Variants in WNT7B observed in about 807,000 individuals in gnomAD.
WNT7B encodes protein Wnt-7b.
A neutral mutation model predicts 38.2 loss-of-function variants in WNT7B; 19 were observed. That is an observed-to-expected ratio of 0.50 (90% CI 0.35 to 0.73). WNT7B has a LOEUF of 0.73. Ranked by LOEUF, WNT7B falls within the 30% of genes least tolerant of loss-of-function variation. WNT7B has a pLI of 0.01. For synonymous variants in WNT7B, 243 were observed against 209.3 expected (o/e 1.16, Z -1.39); for missense variants, 423 against 507.9 (o/e 0.83, Z 1.61).
rs543640693 is a variant in WNT7B, at chr22:45,922,752, C to T, written c.*104G>A. On this transcript the variant is annotated 3_prime_UTR_variant, in exon 4 of 4. Transcript: ENST00000339464. ...ACCTGGAGCTCCCCGCTTCTGCACC[C>T]GTCTATGTCTGCTGCTGGCAGCACC... 266 of 1,505,204 alleles carry T rather than the reference C, an allele frequency of 1.8e-4. 1 individual carries two copies. Among genetic ancestry groups the T allele is most frequent in the Middle Eastern group, 1.5e-3 (6 of 3,980 alleles). The allele number at this position is 1,505,204 out of a possible 1,614,324, so 93.2% of individuals were successfully genotyped here.
chr22:45,962,948 C>G (rs1932229872), intron 1 of WNT7B, among the ~76,000 whole-genome samples: 1 of 152,258 alleles, frequency 6.6e-6, no homozygotes, highest in South Asian at 2.1e-4. Context: ...CACTCTGCGG[C>G]TGGGCCAGCG....
chr22:45,939,069 C>T (rs1012975157), intron 2 of WNT7B, among the ~76,000 whole-genome samples: 3 of 152,166 alleles, frequency 2.0e-5, no homozygotes, highest in East Asian at 1.9e-4. Flanking sequence ...CCACTTCACA[C>T]GCACTAGGAA....
intron 3 of WNT7B, 29 bp downstream of exon 3, chr22:45,931,068 CG>C (rs1467403602): frequency 1.3e-6 from 2 of 1,536,830 alleles, no homozygotes; most frequent in Non-Finnish European, 1.7e-6. Context: ...GTCCCAGCTA[CG>C]GCCCCCACCA....
At chr22:45,926,992 C>G (rs1037871855) in intron 3 of WNT7B, 1 of 985,334 alleles carries the variant, frequency 1.0e-6, no homozygotes, top group African/African-American at 1.7e-5. Flanking sequence ...CCCCCTGGCT[C>G]CAGGAGCTGG....
At chr22:45,958,211 G>T (rs1569122463) in intron 1 of WNT7B, among the ~76,000 whole-genome samples, 1 of 152,158 alleles carries the variant, frequency 6.6e-6, no homozygotes. Flanking sequence ...GGCCCCTCTG[G>T]CTAAGACCCT....
intron 3 of WNT7B, chr22:45,926,716 G>C (rs1476054949): frequency 5.1e-6 from 5 of 985,222 alleles, no homozygotes; most frequent in Non-Finnish European, 6.0e-6. Context: ...GTGTGGCCCT[G>C]ACCTGTGAGC....
intron 1 of WNT7B, among the ~76,000 whole-genome samples, chr22:45,960,230 G>A (rs1405205323): frequency 2.0e-5 from 3 of 152,088 alleles, no homozygotes; most frequent in Non-Finnish European, 2.9e-5. Context: ...GCCCACACCC[G>A]TTCCTCCTTC....
At chr22:45,962,182 G>C (rs1001233082) in intron 1 of WNT7B, among the ~76,000 whole-genome samples, 17 of 152,064 alleles carry the variant, frequency 1.1e-4, no homozygotes, top group Non-Finnish European at 2.1e-4. Context: ...CCCCAGGCAG[G>C]GCTGAGGCCG....
At chr22:45,972,963 G>A (rs1932483671) in intron 1 of WNT7B, among the ~76,000 whole-genome samples, 1 of 152,270 alleles carries the variant, frequency 6.6e-6, no homozygotes, top group Admixed American at 6.5e-5. Flanking sequence ...GCCCCCGTGT[G>A]CCCTGGGTTT....
chr22:45,939,902 T>A (rs1393349650), intron 2 of WNT7B, among the ~76,000 whole-genome samples: 1 of 152,218 alleles, frequency 6.6e-6, no homozygotes, highest in Non-Finnish European at 1.5e-5. Flanking sequence ...TATAGTGTGA[T>A]TCCATTTCTA....
intron 1 of WNT7B, among the ~76,000 whole-genome samples, chr22:45,956,388 G>C (rs1932061451): frequency 6.6e-6 from 1 of 152,182 alleles, no homozygotes. Context: ...TCATTCACTA[G>C]ACACACAATC....
chr22:45,927,586 G>T, intron 3 of WNT7B: 1 of 1,043,808 alleles, frequency 9.6e-7, no homozygotes, highest in Non-Finnish European at 1.5e-6. Context: ...TAAATCCAAT[G>T]AGAGTGTCCA....
chr22:45,924,961 T>C (rs28399095), intron 3 of WNT7B, among the ~76,000 whole-genome samples: 2,314 of 108,866 alleles, frequency 0.021, 90 homozygotes, highest in African/African-American at 0.076. Flanking sequence ...AGGTGGGTGC[T>C]GGGTGGGCCC....
chr22:45,922,697 G>A lies in WNT7B; in HGVS notation c.*159C>T, dbSNP rs2146700916. 8.3e-7 allele frequency: 1 copy of A among 1,210,880 alleles called. No individual in the cohort carries two copies. The highest frequency in any genetic ancestry group is 1.1e-6 in the Non-Finnish European group (1 of 892,572). The allele number at this position is 1,210,880 out of a possible 1,614,324, so 75.0% of individuals were successfully genotyped here. On this transcript the variant is annotated 3_prime_UTR_variant, in exon 4 of 4. Coordinates refer to ENST00000339464, the MANE Select transcript of WNT7B (RefSeq NM_058238.3). ...AAGGAGCCCCAGGGAGGCGGGCAGAGGGCGTGGGCCCCGGCCGGTGCCCTC... is the reference window on the plus strand; with the variant it reads ...AAGGAGCCCCAGGGAGGCGGGCAGAAGGCGTGGGCCCCGGCCGGTGCCCTC...
At chr22:45,940,667 C>T (rs1384004396) in intron 2 of WNT7B, among the ~76,000 whole-genome samples, 1 of 152,202 alleles carries the variant, frequency 6.6e-6, no homozygotes, top group East Asian at 1.9e-4. Flanking sequence ...AGCAGACAGG[C>T]TGGGAGCGGC....
intron 2 of WNT7B, among the ~76,000 whole-genome samples, chr22:45,943,004 A>ATGTGTGCAGTGTGCATGTGTATG (rs1555908697): frequency 7.2e-6 from 1 of 139,132 alleles, no homozygotes; most frequent in African/African-American, 3.2e-5. Flanking sequence ...GTAGGCGTGT[A>ATGTGTGCAGTGTGCATGTGTATG]TGTGTGCAGT....
intron 2 of WNT7B, 73 bp downstream of exon 2, chr22:45,949,847 C>T: frequency 6.9e-7 from 1 of 1,453,268 alleles, no homozygotes. Flanking sequence ...CCTAGGCTGG[C>T]CTTCAGTGGG....
intron 2 of WNT7B, chr22:45,935,855 C>T: frequency 1.0e-6 from 1 of 985,328 alleles, no homozygotes; most frequent in Non-Finnish European, 1.2e-6. Context: ...AGCAGCTGCC[C>T]TAGATGTGTG....
intron 2 of WNT7B, among the ~76,000 whole-genome samples, chr22:45,938,825 C>G (rs538037716): frequency 3.3e-5 from 5 of 152,190 alleles, no homozygotes; most frequent in African/African-American, 1.2e-4. Flanking sequence ...TCTTAAATAC[C>G]CTGACTTGAT....
Sources: allele counts gnomAD v4.1 joint callset (sites outside exome capture counted in the v4.1 genomes callset), GRCh38; gene constraint gnomAD v4.1.1; transcripts MANE v1.5; gene names NCBI Gene and HGNC (gene_info 2026-07-23, HGNC 2026-07-21).